The following TENM1 variants were observed in gnomAD, a reference collection of about 807,000 sequenced individuals.
TENM1 encodes the protein teneurin-1.
A neutral mutation model predicts 174.8 loss-of-function variants in TENM1; 35 were observed. That is an observed-to-expected ratio of 0.20 (90% CI 0.15 to 0.27). TENM1 has a LOEUF of 0.27. TENM1 is among the 10% of genes least tolerant of loss of function. The pLI, the probability that TENM1 is intolerant of heterozygous loss-of-function variation, is 1.00. For missense variants in TENM1, 1,633 were observed against 2,130.1 expected (o/e 0.77, Z 4.59); for synonymous variants, 781 against 798.7 (o/e 0.98, Z 0.37).
In TENM1 at chrX:124,481,713, T is replaced by TATATATCTATA; in HGVS notation, c.3949+18_3949+19insTATAGATATAT. The TATATATCTATA allele has an allele frequency of 4.8e-6, 1 of 206,518 alleles. No individual in the cohort carries two copies. The highest frequency in any genetic ancestry group is 8.2e-6 in the Non-Finnish European group (1 of 121,379). The allele number at this position is 206,518 out of a possible 1,213,427, so 17.0% of individuals were successfully genotyped here. On this transcript the variant is annotated intron_variant, in intron 22 of 31. Coordinates refer to ENST00000422452, the Ensembl canonical transcript of TENM1. ...CCCAAGGGTATATATATATATATAT[T>TATATATCTATA]TATTTATTTATTTTTTACCTCGAGG...
intron 1 of TENM1, among the ~76,000 whole-genome samples, chrX:124,962,386 G>A (rs2058667165): frequency 8.9e-6 from 1 of 111,867 alleles, no homozygotes; most frequent in Non-Finnish European, 1.9e-5. Context: ...GACTCAATAT[G>A]TCTAGAGTGG....
the TENM1 span, among the ~76,000 whole-genome samples, chrX:125,084,573 C>T: frequency 9.1e-6 from 1 of 110,443 alleles, no homozygotes; most frequent in East Asian, 2.8e-4. Flanking sequence ...CTACTATATC[C>T]CAGGCAATGA....
At chrX:124,885,747 A>T (rs974055213) in intron 3 of TENM1, among the ~76,000 whole-genome samples, 2 of 111,254 alleles carry the variant, frequency 1.8e-5, no homozygotes, top group Admixed American at 9.6e-5. Context: ...TTACTTTTAT[A>T]ACAAAAAAAC....
chrX:124,534,402 G>A (rs2048166933), intron 15 of TENM1, among the ~76,000 whole-genome samples: 1 of 111,345 alleles, frequency 9.0e-6, no homozygotes, highest in Admixed American at 9.6e-5. Flanking sequence ...TTTTGTCTTC[G>A]GTGTCAAATC....
At chrX:125,123,444 T>TAAAATA in the TENM1 span, among the ~76,000 whole-genome samples, 2 of 108,337 alleles carry the variant, frequency 1.8e-5, no homozygotes, top group Admixed American at 1.0e-4. Flanking sequence ...TAAAATAAAA[T>TAAAATA]AAAATAAAAA....
the TENM1 span, among the ~76,000 whole-genome samples, chrX:125,132,460 C>T: frequency 9.0e-6 from 1 of 111,489 alleles, no homozygotes; most frequent in Non-Finnish European, 1.9e-5. Flanking sequence ...TCTGGCTCCA[C>T]CACTCTTGCT....
chrX:124,802,370 G>A (rs755246836), intron 3 of TENM1, among the ~76,000 whole-genome samples: 1 of 111,309 alleles, frequency 9.0e-6, no homozygotes, highest in African/African-American at 3.3e-5. Context: ...CTCTTCTTTA[G>A]GGCTGCCGCA....
intron 3 of TENM1, among the ~76,000 whole-genome samples, chrX:124,820,503 GT>G (rs2056015828): frequency 9.0e-6 from 1 of 111,515 alleles, no homozygotes. Context: ...CATTAGAAGG[GT>G]CCTTGAAGTT....
rs2056664456 is a variant in TENM1 at position 124,848,917 on chromosome X, T to TAA, written c.535+45377_535+45378dup. ...GAGCACCTCTGGATAGGGGAAGGGG[T>TAA]AAAGGTAAGGAGGAGGTGCAGAATA... On this transcript the variant is annotated intron_variant, in intron 3 of 31. Coordinates refer to ENST00000422452, the Ensembl canonical transcript of TENM1. Among the ~76,000 whole-genome samples the TAA allele has an allele frequency of 3.6e-5, 4 of 111,214 alleles. No individual in the cohort carries two copies. In the East Asian group the frequency reaches 1.1e-3, roughly 32 times the overall value.
intron 27 of TENM1, among the ~76,000 whole-genome samples, chrX:124,403,382 T>G (rs1044388407): frequency 6.8e-4 from 74 of 109,242 alleles, no homozygotes; most frequent in Non-Finnish European, 1.1e-3. Flanking sequence ...TAGCCGGGTG[T>G]GGTGGCGGGC....
chrX:124,463,083 C>T (rs1603276441), intron 22 of TENM1, among the ~76,000 whole-genome samples: 1 of 111,867 alleles, frequency 8.9e-6, no homozygotes. Flanking sequence ...CCGCTCCCCC[C>T]ACCACACACA....
At chrX:124,992,335 G>T in the TENM1 span, among the ~76,000 whole-genome samples, 1 of 110,518 alleles carries the variant, frequency 9.0e-6, no homozygotes, top group South Asian at 3.9e-4. Context: ...GTTTCATCAT[G>T]ATAGTGTTGG....
chrX:124,938,254 C>A (rs1569484826), intron 1 of TENM1, among the ~76,000 whole-genome samples: 1 of 111,762 alleles, frequency 8.9e-6, no homozygotes, highest in Non-Finnish European at 1.9e-5. Context: ...CTATAAATAA[C>A]CTGCTAACAA....
chrX:124,550,096 A>G (rs1054782609), intron 14 of TENM1, among the ~76,000 whole-genome samples: 1 of 111,515 alleles, frequency 9.0e-6, no homozygotes, highest in Non-Finnish European at 1.9e-5. Flanking sequence ...TTGAAGGACT[A>G]TCTATGGCAT....
At chrX:124,763,878 T>C (rs1248052334) in intron 3 of TENM1, among the ~76,000 whole-genome samples, 1 of 112,202 alleles carries the variant, frequency 8.9e-6, no homozygotes, top group Non-Finnish European at 1.9e-5. Flanking sequence ...TTGAATCCTA[T>C]TGTAACCGTG....
intron 16 of TENM1, among the ~76,000 whole-genome samples, chrX:124,525,871 A>G (rs2047963525): frequency 8.9e-6 from 1 of 112,219 alleles, no homozygotes; most frequent in Non-Finnish European, 1.9e-5. Flanking sequence ...TCAAGCATAT[A>G]GTAGGAACTC....
chrX:125,127,966 G>A, the TENM1 span, among the ~76,000 whole-genome samples: 2 of 110,893 alleles, frequency 1.8e-5, no homozygotes, highest in East Asian at 2.8e-4. Context: ...AAACACATTC[G>A]AAGTATCTCT....
the TENM1 span, among the ~76,000 whole-genome samples, chrX:125,189,526 C>G: frequency 8.9e-6 from 1 of 112,051 alleles, no homozygotes; most frequent in Non-Finnish European, 1.9e-5. Flanking sequence ...ACCCTGCAAG[C>G]AGAGCCCTAT....
the TENM1 span, among the ~76,000 whole-genome samples, chrX:125,055,656 G>A: frequency 8.9e-6 from 1 of 111,781 alleles, no homozygotes; most frequent in Non-Finnish European, 1.9e-5. Flanking sequence ...TTCCTTTGCA[G>A]TGACAAGCCA....
Sources: allele counts gnomAD v4.1 joint callset (sites outside exome capture counted in the v4.1 genomes callset), GRCh38; gene constraint gnomAD v4.1.1; transcripts MANE v1.5; gene names NCBI Gene and HGNC (gene_info 2026-07-23, HGNC 2026-07-21).